PHF14: variants seen among roughly 807,000 people sequenced by gnomAD.
PHF14 encodes the protein PHD finger protein 14.
PHF14 carries 55 observed loss-of-function variants against 117.9 expected under a neutral mutation model. That is an observed-to-expected ratio of 0.47 (90% confidence interval 0.38 to 0.58). PHF14 has a LOEUF of 0.58. Ranked by LOEUF, PHF14 falls within the 20% of genes least tolerant of loss-of-function variation. The probability of loss-of-function intolerance (pLI) is 0.00; values close to 1 mark genes in which losing one functional copy is unlikely to be tolerated. For missense variants in PHF14, 978 were observed against 1,122.2 expected (o/e 0.87, Z 1.84); for synonymous variants, 409 against 368.6 (o/e 1.11, Z -1.26).
chr7:11,085,420 C>A (rs933839218), intron 16 of PHF14, among the ~76,000 whole-genome samples: 2 of 152,014 alleles, frequency 1.3e-5, no homozygotes, highest in African/African-American at 2.4e-5. Flanking sequence ...ATTGATGTAA[C>A]CTTTTGTGTA....
intron 3 of PHF14, among the ~76,000 whole-genome samples, chr7:10,989,116 A>G (rs1782352598): frequency 2.0e-5 from 3 of 152,192 alleles, no homozygotes; most frequent in Admixed American, 2.0e-4. Context: ...CAGAACTTAG[A>G]AATACTAGAA....
At chr7:11,061,921 AT>A (rs1344466100) in intron 15 of PHF14, 42 bp from the exon 16 acceptor site, 3 of 1,540,472 alleles carry the variant, frequency 1.9e-6, no homozygotes, top group Non-Finnish European at 1.8e-6. Context: ...TCATATCCTT[AT>A]TTTGTTTGTT....
chr7:11,018,923 G>T (rs755493524), intron 5 of PHF14, among the ~76,000 whole-genome samples: 1 of 151,940 alleles, frequency 6.6e-6, no homozygotes, highest in Non-Finnish European at 1.5e-5. Flanking sequence ...TTTCTATCCC[G>T]TTTTTGGGGA....
Position 11,042,675 on chromosome 7 carries a change from A to G in PHF14, c.2181-8A>G, listed in dbSNP as rs2128324074. ...ATTGAAATCTTTACTTGCTGCCTTT[A>G]TTAAAAGTTGTGGGATTTGTAAGAA... On this transcript the variant is annotated splice_polypyrimidine_tract_variant and splice_region_variant and intron_variant, in intron 12 of 17. Coordinates refer to ENST00000634607, the MANE Select transcript of PHF14 (RefSeq NM_001007157.2). The G allele has an allele frequency of 5.8e-6, 9 of 1,557,300 alleles. No homozygotes were observed. In the East Asian group the frequency reaches 2.1e-4, roughly 36 times the overall value.
chr7:11,146,724 T>C (rs1305502724), intron 17 of PHF14, among the ~76,000 whole-genome samples: 1 of 152,196 alleles, frequency 6.6e-6, no homozygotes, highest in Non-Finnish European at 1.5e-5. Flanking sequence ...CTCCGCATGG[T>C]CATTTCCAGC....
At chr7:11,129,002 A>G (rs1788014944) in intron 17 of PHF14, among the ~76,000 whole-genome samples, 1 of 151,930 alleles carries the variant, frequency 6.6e-6, no homozygotes, top group Non-Finnish European at 1.5e-5. Context: ...GGTTATTTTT[A>G]CCAGCTAGAT....
At chr7:11,013,966 TC>T (rs1783438443) in intron 5 of PHF14, 60 bp downstream of exon 5, 1 of 1,103,520 alleles carries the variant, frequency 9.1e-7, no homozygotes, top group East Asian at 2.4e-5. Flanking sequence ...GCCTTTGACT[TC>T]CCTGTTCTTC....
At chr7:11,097,973 A>G (rs960522872) in intron 16 of PHF14, among the ~76,000 whole-genome samples, 2 of 152,054 alleles carry the variant, frequency 1.3e-5, no homozygotes, top group Admixed American at 6.5e-5. Flanking sequence ...TTGAAGCTAT[A>G]TATTACCTGA....
In PHF14 at chr7:11,042,648, T is replaced by C. The variant is rs767880024; in HGVS notation, c.2181-35T>C. The C allele has an allele frequency of 1.0e-5, 15 of 1,447,988 alleles. No individual in the cohort carries two copies. In the African/African-American group the frequency reaches 2.0e-4, roughly 19 times the overall value. 89.7% of individuals were successfully genotyped at this position (1,447,988 alleles called of 1,614,324 possible). A position where few individuals can be genotyped will look rare whatever the true frequency, so the allele number is the denominator to read the frequency against. On this transcript the variant is annotated intron_variant, in intron 12 of 17. Transcript: ENST00000634607. The stretch of plus-strand genomic sequence containing the variant: ...GTAAACTGTTTCACTATGATAATTA[T>C]TATTGAAATCTTTACTTGCTGCCTT...
At chr7:11,005,544 G>A (rs1358004880) in intron 4 of PHF14, among the ~76,000 whole-genome samples, 1 of 152,036 alleles carries the variant, frequency 6.6e-6, no homozygotes, top group Non-Finnish European at 1.5e-5. Context: ...TAAATAAACT[G>A]GATAAATCCC....
intron 16 of PHF14, among the ~76,000 whole-genome samples, chr7:11,087,481 C>T (rs907773174): frequency 5.3e-5 from 8 of 152,124 alleles, no homozygotes; most frequent in South Asian, 2.1e-4. Flanking sequence ...TGAGCCACTG[C>T]GCCTGGCCAG....
intron 17 of PHF14, among the ~76,000 whole-genome samples, chr7:11,118,512 T>C (rs1583479830): frequency 6.6e-6 from 1 of 151,898 alleles, no homozygotes; most frequent in African/African-American, 2.4e-5. Flanking sequence ...TTATAGTTGG[T>C]ACTTTGCTTT....
intron 16 of PHF14, chr7:11,105,511 T>G: frequency 1.0e-6 from 1 of 980,138 alleles, no homozygotes; most frequent in Non-Finnish European, 1.2e-6. Flanking sequence ...CAGAGCAGAA[T>G]ATTTACATCA....
intron 16 of PHF14, among the ~76,000 whole-genome samples, chr7:11,083,189 C>T (rs1317198002): frequency 1.3e-5 from 2 of 152,194 alleles, no homozygotes; most frequent in Admixed American, 6.5e-5. Flanking sequence ...CTTTAACTCT[C>T]CTTTTGGTGA....
chr7:11,006,470 T>G, intron 4 of PHF14: 1 of 540,650 alleles, frequency 1.8e-6, no homozygotes, highest in Admixed American at 1.9e-5. Flanking sequence ...TATGCCTTCT[T>G]TTCTCCATCA....
At chr7:11,038,430 CA>C (rs958555910) in intron 10 of PHF14, among the ~76,000 whole-genome samples, 2,826 of 50,452 alleles carry the variant, frequency 0.056, 63 homozygotes, top group East Asian at 0.2. Context: ...GACTCCATCT[CA>C]AAAAAAAAAA....
chr7:11,126,743 G>A (rs1035504176), intron 17 of PHF14, among the ~76,000 whole-genome samples: 2 of 145,134 alleles, frequency 1.4e-5, no homozygotes, highest in African/African-American at 5.1e-5. Flanking sequence ...ACAGTTAGCT[G>A]TATTTTTTTA....
chr7:11,057,027 G>C (rs1255367429), intron 14 of PHF14, among the ~76,000 whole-genome samples: 1 of 151,854 alleles, frequency 6.6e-6, no homozygotes, highest in Non-Finnish European at 1.5e-5. Flanking sequence ...AAGTTGCAGA[G>C]GGAAGCATTT....
intron 7 of PHF14, among the ~76,000 whole-genome samples, chr7:11,031,469 A>C (rs988196635): frequency 1.3e-5 from 2 of 151,976 alleles, no homozygotes; most frequent in Non-Finnish European, 2.9e-5. Context: ...ACTGGACTAT[A>C]GGGCTGGGTG....
Sources: allele counts gnomAD v4.1 joint callset (sites outside exome capture counted in the v4.1 genomes callset), GRCh38; gene constraint gnomAD v4.1.1; transcripts MANE v1.5; gene names NCBI Gene and HGNC (gene_info 2026-07-23, HGNC 2026-07-21).